EPHA6: variants seen among roughly 807,000 people sequenced by gnomAD.
The protein encoded by EPHA6 is ephrin type-A receptor 6.
A neutral mutation model predicts 112.0 loss-of-function variants in EPHA6; 50 were observed. The observed-to-expected ratio is 0.45, with a 90% CI of 0.36 to 0.56. EPHA6 has a LOEUF of 0.56. Among genes scored for constraint, EPHA6 ranks in the 20% least tolerant of loss-of-function variants. EPHA6 has a pLI of 0.00. For missense variants in EPHA6, 1,280 were observed against 1,417.4 expected, an observed-to-expected ratio of 0.90 and a Z score of 1.56; for synonymous variants, 529 against 490.7, an observed-to-expected ratio of 1.08 and a Z score of -1.03.
intron 11 of EPHA6, among the ~76,000 whole-genome samples, chr3:97,583,052 T>C (rs541537935): frequency 6.7e-6 from 1 of 149,296 alleles, no homozygotes; most frequent in East Asian, 2.0e-4. Flanking sequence ...ATGACCTCTT[T>C]ATCTAGTGTG....
At chr3:96,915,470 A>G (rs2039437512) in intron 2 of EPHA6, among the ~76,000 whole-genome samples, 1 of 152,126 alleles carries the variant, frequency 6.6e-6, no homozygotes, top group Non-Finnish European at 1.5e-5. Flanking sequence ...GAATAAATTC[A>G]AGGAACACAT....
chr3:96,922,356 T>C (rs2107632471), intron 2 of EPHA6, among the ~76,000 whole-genome samples: 1 of 152,196 alleles, frequency 6.6e-6, no homozygotes, highest in South Asian at 2.1e-4. Flanking sequence ...CTAAGTGAAA[T>C]GATTGAGGGA....
intron 12 of EPHA6, among the ~76,000 whole-genome samples, chr3:97,594,282 A>G (rs993664624): frequency 1.1e-4 from 17 of 152,234 alleles, no homozygotes; most frequent in African/African-American, 4.1e-4. Flanking sequence ...CAGAAGGAAG[A>G]TGATTGTTCT....
At chr3:97,445,580 T>C (rs2090314194) in intron 6 of EPHA6, among the ~76,000 whole-genome samples, 1 of 152,076 alleles carries the variant, frequency 6.6e-6, no homozygotes, top group Non-Finnish European at 1.5e-5. Flanking sequence ...ATTATATATT[T>C]GAAAGAATGT....
chr3:97,178,018 T>A (rs951593659), intron 3 of EPHA6, among the ~76,000 whole-genome samples: 3 of 152,090 alleles, frequency 2.0e-5, no homozygotes, highest in African/African-American at 7.2e-5. Flanking sequence ...TGTTTTGTCA[T>A]CTTCTCTTCT....
intron 3 of EPHA6, among the ~76,000 whole-genome samples, chr3:97,223,302 G>A (rs2078258640): frequency 6.6e-6 from 1 of 152,222 alleles, no homozygotes; most frequent in South Asian, 2.1e-4. Flanking sequence ...GTTCTTTGGA[G>A]TGGGGAGCAT....
At chr3:96,902,432 G>A (rs145760096) in intron 2 of EPHA6, among the ~76,000 whole-genome samples, 15 of 152,222 alleles carry the variant, frequency 9.9e-5, no homozygotes, top group African/African-American at 3.6e-4. Flanking sequence ...GGGGCAAAAG[G>A]GAAAGCAGTG....
chr3:97,202,494 G>A (rs1037187253), intron 3 of EPHA6, among the ~76,000 whole-genome samples: 1 of 151,834 alleles, frequency 6.6e-6, no homozygotes, highest in African/African-American at 2.4e-5. Context: ...TCCATGCCCG[G>A]CTAGGTTTTT....
At chr3:97,387,925 G>A (rs542016768) in intron 5 of EPHA6, among the ~76,000 whole-genome samples, 1 of 152,150 alleles carries the variant, frequency 6.6e-6, no homozygotes, top group Non-Finnish European at 1.5e-5. Flanking sequence ...GAAGGTGAAG[G>A]GGAAGCACAT....
intron 3 of EPHA6, among the ~76,000 whole-genome samples, chr3:96,989,410 G>C (rs925017170): frequency 1.3e-5 from 2 of 152,086 alleles, no homozygotes; most frequent in African/African-American, 2.4e-5. Context: ...TTCAAGTTTA[G>C]TAATATAGGT....
chr3:97,255,417 G>A (rs1308016358), intron 5 of EPHA6, among the ~76,000 whole-genome samples: 1 of 152,154 alleles, frequency 6.6e-6, no homozygotes, highest in Non-Finnish European at 1.5e-5. Context: ...GCAGGTAGTG[G>A]TGATGAATAA....
At chr3:96,872,017 G>C (rs1238888621) in intron 2 of EPHA6, among the ~76,000 whole-genome samples, 1 of 151,982 alleles carries the variant, frequency 6.6e-6, no homozygotes, top group Non-Finnish European at 1.5e-5. Flanking sequence ...AGTAAACCTG[G>C]ATACTCACTT....
intron 3 of EPHA6, among the ~76,000 whole-genome samples, chr3:97,027,516 C>G (rs780208800): frequency 1.3e-5 from 2 of 152,106 alleles, no homozygotes; most frequent in East Asian, 1.9e-4. Context: ...AAAAAGGAAA[C>G]AGATGTACTT....
rs1279835600 is a variant in EPHA6 at position 97,284,091 on chromosome 3, T to A, written c.1606+39804T>A. On this transcript the variant is annotated intron_variant, in intron 5 of 17. Coordinates refer to ENST00000389672, the MANE Select transcript of EPHA6 (RefSeq NM_001080448.3). ...TGCACAGCAATTAATAGATAATACA[T>A]GTTTAAATAAATAAATTCTATATCA... Among the ~76,000 whole-genome samples the A allele has an allele frequency of 2.6e-5, 4 of 152,314 alleles. No individual in the cohort carries two copies. In the East Asian group the frequency reaches 7.7e-4, roughly 29 times the overall value.
intron 3 of EPHA6, among the ~76,000 whole-genome samples, chr3:97,095,252 T>C (rs1319823934): frequency 3.3e-5 from 5 of 151,722 alleles, no homozygotes; most frequent in Non-Finnish European, 7.4e-5. Context: ...AACTGAACAA[T>C]AAGAACACTT....
chr3:97,090,043 AATT>A (rs1366807949), intron 3 of EPHA6, among the ~76,000 whole-genome samples: 8 of 151,992 alleles, frequency 5.3e-5, no homozygotes, highest in Non-Finnish European at 1.5e-5. Flanking sequence ...AATTATATTT[AATT>A]ATTATAATTG....
At chr3:97,538,242 G>A (rs1382127031) in intron 11 of EPHA6, among the ~76,000 whole-genome samples, 2 of 152,038 alleles carry the variant, frequency 1.3e-5, no homozygotes, top group African/African-American at 2.4e-5. Context: ...AAAAAGAAAG[G>A]GATAGATTCT....
intron 3 of EPHA6, among the ~76,000 whole-genome samples, chr3:97,003,087 A>G (rs916127448): frequency 1.3e-5 from 2 of 151,914 alleles, no homozygotes; most frequent in African/African-American, 4.8e-5. Context: ...ATTTGGACAT[A>G]GGGTGAGTAT....
chr3:97,290,550 A>T (rs1383381260), intron 5 of EPHA6, among the ~76,000 whole-genome samples: 1 of 152,052 alleles, frequency 6.6e-6, no homozygotes, highest in Non-Finnish European at 1.5e-5. Context: ...ATGTGGGGAG[A>T]CTTTTTATAA....
Sources: gnomAD v4.1 joint callset for allele counts (sites outside exome capture counted in the v4.1 genomes callset) on GRCh38, gnomAD v4.1.1 for gene constraint, MANE v1.5 for transcripts, NCBI Gene and HGNC (gene_info 2026-07-23, HGNC 2026-07-21) for gene names.